The following BAZ2B variants were observed in gnomAD, a reference collection of about 807,000 sequenced individuals.
BAZ2B encodes bromodomain adjacent to zinc finger domain protein 2B.
A neutral mutation model predicts 246.0 loss-of-function variants in BAZ2B; 91 were observed. The ratio of observed to expected loss-of-function variants is 0.37; its 90% CI spans 0.31 to 0.44. BAZ2B has a LOEUF of 0.44. Among genes scored for constraint, BAZ2B ranks in the 20% least tolerant of loss-of-function variants. BAZ2B has a pLI of 1.00. For missense variants in BAZ2B, 2,332 were observed against 2,533.7 expected (o/e 0.92, Z 1.71); for synonymous variants, 855 against 860.0 (o/e 0.99, Z 0.10).
At chr2:159,420,129 TC>T (rs1332103537) in intron 13 of BAZ2B, among the ~76,000 whole-genome samples, 1 of 152,234 alleles carries the variant, frequency 6.6e-6, no homozygotes, top group African/African-American at 2.4e-5. Flanking sequence ...TTTTTTGTAT[TC>T]TTCAGTTTCT....
chr2:159,338,940 T>C (rs1352818984), intron 31 of BAZ2B, among the ~76,000 whole-genome samples: 1 of 152,176 alleles, frequency 6.6e-6, no homozygotes, highest in Non-Finnish European at 1.5e-5. Flanking sequence ...ATCTCCCTAT[T>C]ATATGACAAG....
At chr2:159,374,823 T>C (rs1488750450) in intron 25 of BAZ2B, 70 bp from the exon 26 acceptor site, 1 of 1,416,366 alleles carries the variant, frequency 7.1e-7, no homozygotes, top group East Asian at 2.3e-5. Flanking sequence ...AAATATTTAA[T>C]GAAAGTCTCC....
chr2:159,495,679 T>A (rs1577761896), intron 2 of BAZ2B, among the ~76,000 whole-genome samples: 1 of 152,172 alleles, frequency 6.6e-6, no homozygotes, highest in East Asian at 1.9e-4. Flanking sequence ...TAAATTTTAG[T>A]ATCTACAAAG....
chr2:159,495,860 C>T (rs368400445), intron 2 of BAZ2B, among the ~76,000 whole-genome samples: 4 of 151,084 alleles, frequency 2.6e-5, no homozygotes, highest in South Asian at 2.1e-4. Flanking sequence ...CTCTGCCTCC[C>T]GGGTTCTCAC....
chr2:159,427,901 C>T (rs769426249), intron 13 of BAZ2B, 40 bp downstream of exon 13: 3 of 1,523,516 alleles, frequency 2.0e-6, no homozygotes, highest in Non-Finnish European at 9.1e-7. Context: ...TATGGTACTA[C>T]TTTTTGGTTC....
Position 159,324,793 on chromosome 2 carries a change from C to G in BAZ2B, c.6353+18G>C. On this transcript the variant is annotated intron_variant, in intron 36 of 36. Coordinates refer to ENST00000392783, the MANE Select transcript of BAZ2B (RefSeq NM_013450.4). ...AGGTATTCAATAAATATTTAGTGAACTGAAATGATTTACTTACTGTCCACT... is the reference window on the plus strand; with the variant it reads ...AGGTATTCAATAAATATTTAGTGAAGTGAAATGATTTACTTACTGTCCACT... The G allele has an allele frequency of 1.4e-6, 2 of 1,448,876 alleles. No homozygotes were observed. The highest frequency in any genetic ancestry group is 1.8e-6 in the Non-Finnish European group (2 of 1,097,872). 89.8% of individuals were successfully genotyped at this position (1,448,876 alleles called of 1,614,324 possible).
rs186403682 is a variant in BAZ2B, at chr2:159,370,347, C to T, written c.4213+2698G>A. On this transcript the variant is annotated intron_variant, in intron 27 of 36. Coordinates refer to ENST00000392783, the MANE Select transcript of BAZ2B (RefSeq NM_013450.4). ...AAATATATATTTATTAAAAAAAAAACTGCTCTTAAGTCTCCTAGGCACTGT... is the reference window on the plus strand; with the variant it reads ...AAATATATATTTATTAAAAAAAAAATTGCTCTTAAGTCTCCTAGGCACTGT... Among the ~76,000 whole-genome samples the T allele has an allele frequency of 2.4e-3, 349 of 145,708 alleles. 2 individuals are homozygous for T. Among genetic ancestry groups the T allele is most frequent in the African/African-American group, 8.3e-3 (333 of 39,936 alleles).
chr2:159,634,517 T>A, the BAZ2B span, among the ~76,000 whole-genome samples: 2 of 152,216 alleles, frequency 1.3e-5, no homozygotes, highest in African/African-American at 4.8e-5. Flanking sequence ...TATACATTGT[T>A]GATATTATAC....
In BAZ2B at chr2:159,350,023, C is replaced by T. The variant is rs148153390; in HGVS notation, c.4548G>A (p.Thr1516=). 2.6e-5 allele frequency: 42 copies of T among 1,614,160 alleles called. No individual in the cohort carries two copies. In the Middle Eastern group the frequency reaches 8.3e-4, roughly 32 times the overall value. Residue 1516 remains threonine (T), a synonymous_variant, in exon 28 of 37, where the codon ACG becomes ACA. Coordinates refer to ENST00000392783, the MANE Select transcript of BAZ2B (RefSeq NM_013450.4). ...AGTCTGCCTTTTCCACATTGCTTTG[C>T]GTTGCTGTTGACTGAACGCTGCCCA... is the stretch of plus-strand genomic sequence containing the variant. ...HSLGSVQSTA[T]QSNVEKADSN...
chr2:159,624,407 C>A, the BAZ2B span, among the ~76,000 whole-genome samples: 3 of 152,190 alleles, frequency 2.0e-5, no homozygotes, highest in African/African-American at 7.2e-5. Flanking sequence ...GGAGACACCT[C>A]CCAGTAGGGG....
chr2:159,355,386 A>T (rs1288686559), intron 27 of BAZ2B, among the ~76,000 whole-genome samples: 2 of 152,162 alleles, frequency 1.3e-5, no homozygotes, highest in Non-Finnish European at 2.9e-5. Context: ...TGTGGAAGAG[A>T]CTAAAGGAAG....
chr2:159,424,148 T>C (rs542691955), intron 13 of BAZ2B, among the ~76,000 whole-genome samples: 3 of 152,320 alleles, frequency 2.0e-5, no homozygotes, highest in South Asian at 2.1e-4. Flanking sequence ...TTTTCAATTA[T>C]GGGCTTTTTT....
intron 1 of BAZ2B, among the ~76,000 whole-genome samples, chr2:159,568,603 G>C (rs1231381742): frequency 6.6e-6 from 1 of 151,936 alleles, no homozygotes; most frequent in African/African-American, 2.4e-5. Flanking sequence ...AGTAATACTA[G>C]TTTTATTCTC....
chr2:159,501,205 T>TATATATATATTATATATATATTTATATA (rs2081751946), intron 2 of BAZ2B, among the ~76,000 whole-genome samples: 3 of 75,424 alleles, frequency 4.0e-5, no homozygotes, highest in East Asian at 7.3e-4. Flanking sequence ...ATATATATTT[T>TATATATATATTATATATATATTTATATA]TATATATATT....
chr2:159,454,010 A>G (rs1237304340), intron 3 of BAZ2B, among the ~76,000 whole-genome samples: 1 of 152,156 alleles, frequency 6.6e-6, no homozygotes, highest in African/African-American at 2.4e-5. Context: ...AAATGGCATA[A>G]ATTAACTTTT....
chr2:159,474,534 T>C lies in BAZ2B; in HGVS notation c.145+4041A>G, dbSNP rs565442257. ...CAATTTGCCAGTCTGTGTCCTTTAATTGGGGCATTTAGCCCATTTACATTT... is the reference window on the plus strand; with the variant it reads ...CAATTTGCCAGTCTGTGTCCTTTAACTGGGGCATTTAGCCCATTTACATTT... On this transcript the variant is annotated intron_variant, in intron 3 of 36. Coordinates refer to ENST00000392783, the MANE Select transcript of BAZ2B (RefSeq NM_013450.4). 2.6e-5 allele frequency among the ~76,000 whole-genome samples: 4 copies of C among 152,370 alleles called. No individual in the cohort carries two copies. In the South Asian group the frequency reaches 8.3e-4, roughly 32 times the overall value.
At chr2:159,463,362 T>C (rs1167715932) in intron 3 of BAZ2B, 1 of 209,958 alleles carries the variant, frequency 4.8e-6, no homozygotes, top group Non-Finnish European at 9.7e-6. Context: ...AGACATCTCT[T>C]AGACAAACTG....
chr2:159,666,228 A>G, the BAZ2B span, among the ~76,000 whole-genome samples: 2 of 151,086 alleles, frequency 1.3e-5, no homozygotes, highest in Non-Finnish European at 2.9e-5. Context: ...CTTTAAAAAA[A>G]GGCCAATTTA....
At chr2:159,639,876 G>C in the BAZ2B span, among the ~76,000 whole-genome samples, 30 of 151,948 alleles carry the variant, frequency 2.0e-4, no homozygotes, top group South Asian at 4.1e-4. Context: ...AATGTAAATA[G>C]ACTAAACTCT....
Sources: gnomAD v4.1 joint callset for allele counts (sites outside exome capture counted in the v4.1 genomes callset) on GRCh38, gnomAD v4.1.1 for gene constraint, MANE v1.5 for transcripts, NCBI Gene and HGNC (gene_info 2026-07-23, HGNC 2026-07-21) for gene names.